Variants in PTPRM observed in about 807,000 individuals in gnomAD.
PTPRM encodes protein tyrosine phosphatase receptor type M, also known as receptor-type tyrosine-protein phosphatase mu.
Under a neutral mutation model 186.7 loss-of-function variants are expected in PTPRM, and 47 were observed. The observed-to-expected ratio is 0.25, with a 90% CI of 0.20 to 0.32. The LOEUF is 0.32. PTPRM is among the 10% of genes least tolerant of loss of function. PTPRM has a pLI of 1.00. For synonymous variants in PTPRM, 668 were observed against 674.9 expected (o/e 0.99, Z 0.16); for missense variants, 1,494 against 1,865.0 (o/e 0.80, Z 3.66).
At chr18:8,153,733 A>C (rs1205934700) in intron 14 of PTPRM, among the ~76,000 whole-genome samples, 4 of 152,266 alleles carry the variant, frequency 2.6e-5, no homozygotes, top group Non-Finnish European at 5.9e-5. Context: ...TTTTAAGCAG[A>C]AAAGTTAAAG....
In PTPRM at chr18:8,182,606, A is replaced by G. The variant is rs538384179; in HGVS notation, c.2300+38827A>G. Among the ~76,000 whole-genome samples the G allele has an allele frequency of 3.9e-5, 6 of 152,348 alleles. 1 individual carries two copies. In the South Asian group the frequency reaches 1.2e-3, roughly 32 times the overall value. The stretch of plus-strand genomic sequence containing the variant: ...AGCCCACACTTTGAATTGCCCAAAT[A>G]GAGAATAAACAGGAATCTTTATTTT... On this transcript the variant is annotated intron_variant, in intron 14 of 32. Transcript: ENST00000580170.
chr18:8,369,036 T>C (rs1369538552), intron 23 of PTPRM, among the ~76,000 whole-genome samples: 1 of 152,074 alleles, frequency 6.6e-6, no homozygotes, highest in Non-Finnish European at 1.5e-5. Context: ...AGATGTACTT[T>C]AAAGAATGCA....
intron 1 of PTPRM, among the ~76,000 whole-genome samples, chr18:7,608,375 A>G (rs372192798): frequency 2.6e-5 from 4 of 152,216 alleles, no homozygotes; most frequent in East Asian, 3.8e-4. Context: ...TTCCATTTTT[A>G]TGAAACATTC....
chr18:8,077,180 T>C (rs1276002151), intron 9 of PTPRM, among the ~76,000 whole-genome samples: 1 of 152,188 alleles, frequency 6.6e-6, no homozygotes, highest in Non-Finnish European at 1.5e-5. Context: ...TGTGCAAGCA[T>C]CATTTCACTA....
intron 19 of PTPRM, among the ~76,000 whole-genome samples, chr18:8,285,351 C>T (rs2094945103): frequency 6.6e-6 from 1 of 152,216 alleles, no homozygotes; most frequent in Admixed American, 6.5e-5. Context: ...ACATCTCATT[C>T]TTTTGCCTCA....
At chr18:7,884,617 A>G (rs374382567) in intron 2 of PTPRM, among the ~76,000 whole-genome samples, 23 of 152,250 alleles carry the variant, frequency 1.5e-4, no homozygotes, top group East Asian at 1.4e-3. Context: ...TCACAAAATC[A>G]CATGCTGAAA....
intron 13 of PTPRM, among the ~76,000 whole-genome samples, chr18:8,142,139 G>C (rs898261568): frequency 1.3e-5 from 2 of 152,260 alleles, no homozygotes; most frequent in African/African-American, 4.8e-5. Flanking sequence ...GATATTCATT[G>C]AATCAAAATA....
chr18:7,772,032 C>G (rs1466056650), intron 1 of PTPRM, among the ~76,000 whole-genome samples: 2 of 152,144 alleles, frequency 1.3e-5, no homozygotes, highest in Non-Finnish European at 2.9e-5. Flanking sequence ...GGACCAGCAC[C>G]CTGTCTGCAC....
chr18:8,170,280 G>A (rs2093379202), intron 14 of PTPRM, among the ~76,000 whole-genome samples: 1 of 152,146 alleles, frequency 6.6e-6, no homozygotes, highest in Non-Finnish European at 1.5e-5. Context: ...ATCTGTGAGA[G>A]CCTCCCGAAA....
chr18:7,919,278 A>C (rs529248574), intron 4 of PTPRM, among the ~76,000 whole-genome samples: 4 of 152,076 alleles, frequency 2.6e-5, no homozygotes, highest in African/African-American at 9.6e-5. Context: ...GGCTATTTGG[A>C]ATATTTTCTG....
At chr18:8,345,068 T>C (rs1245395711) in intron 23 of PTPRM, among the ~76,000 whole-genome samples, 1 of 152,104 alleles carries the variant, frequency 6.6e-6, no homozygotes, top group Non-Finnish European at 1.5e-5. Context: ...CAGAAAATAA[T>C]TAGAACTGTG....
chr18:7,787,828 T>A (rs2043162349), intron 2 of PTPRM, among the ~76,000 whole-genome samples: 1 of 152,244 alleles, frequency 6.6e-6, no homozygotes, highest in Non-Finnish European at 1.5e-5. Context: ...CTACTTCTAT[T>A]TTCTGAATTA....
intron 4 of PTPRM, among the ~76,000 whole-genome samples, chr18:7,914,346 C>G (rs1370319434): frequency 6.6e-6 from 1 of 152,070 alleles, no homozygotes; most frequent in Non-Finnish European, 1.5e-5. Flanking sequence ...AATGTTGAAT[C>G]TGTTTTTCCA....
intron 11 of PTPRM, among the ~76,000 whole-genome samples, chr18:8,094,986 T>C (rs936519789): frequency 2.6e-5 from 4 of 152,178 alleles, no homozygotes; most frequent in African/African-American, 9.6e-5. Context: ...GGCTTGCCTG[T>C]CTTTCCACAG....
intron 1 of PTPRM, among the ~76,000 whole-genome samples, chr18:7,606,648 T>C (rs747321636): frequency 2.0e-5 from 3 of 152,190 alleles, no homozygotes; most frequent in African/African-American, 7.2e-5. Context: ...CAGGTCCTGC[T>C]TAATGGAGGT....
intron 7 of PTPRM, among the ~76,000 whole-genome samples, chr18:8,005,064 G>T (rs1179018062): frequency 6.6e-6 from 1 of 152,182 alleles, no homozygotes; most frequent in Admixed American, 6.5e-5. Context: ...CACATGTGCA[G>T]CTTGTATAGC....
chr18:8,199,122 A>G (rs1054396899), intron 14 of PTPRM, among the ~76,000 whole-genome samples: 18 of 152,020 alleles, frequency 1.2e-4, no homozygotes, highest in African/African-American at 4.3e-4. Flanking sequence ...TAATAATAAC[A>G]CTGAAATCCT....
intron 31 of PTPRM, among the ~76,000 whole-genome samples, chr18:8,389,589 CG>C (rs1240943120): frequency 6.6e-6 from 1 of 152,206 alleles, no homozygotes; most frequent in Non-Finnish European, 1.5e-5. Context: ...CCTAAAGCCC[CG>C]CCTCTGTTCA....
At chr18:8,341,368 G>A (rs187086870) in intron 22 of PTPRM, among the ~76,000 whole-genome samples, 17 of 152,270 alleles carry the variant, frequency 1.1e-4, no homozygotes, top group Admixed American at 1.1e-3. Flanking sequence ...ATTTCCTAGG[G>A]CACTAAGAAA....
Sources: allele counts gnomAD v4.1 joint callset (sites outside exome capture counted in the v4.1 genomes callset), GRCh38; gene constraint gnomAD v4.1.1; transcripts MANE v1.5; gene names NCBI Gene and HGNC (gene_info 2026-07-23, HGNC 2026-07-21).